DNAH7: variants seen among roughly 807,000 people sequenced by gnomAD.
DNAH7 encodes dynein axonemal heavy chain 7.
In DNAH7, 397 loss-of-function variants were observed where a neutral mutation model predicts 444.6. The observed-to-expected ratio is 0.89, with a 90% CI of 0.82 to 0.97. The LOEUF (loss-of-function observed/expected upper bound fraction) is 0.97, where lower values mean the gene tolerates loss of function less well. Among genes scored for constraint, DNAH7 ranks in the 50% least tolerant of loss-of-function variants. DNAH7 has a pLI of 0.00. For missense variants in DNAH7, 4,902 were observed against 4,800.8 expected, an observed-to-expected ratio of 1.02 and a Z score of -0.62; for synonymous variants, 1,636 against 1,624.4, an observed-to-expected ratio of 1.01 and a Z score of -0.17.
chr2:195,807,707 A>T (rs901617), intron 53 of DNAH7, among the ~76,000 whole-genome samples: 5,419 of 152,288 alleles, frequency 0.036, 125 homozygotes, highest in African/African-American at 0.06. Context: ...TGGTGGGGAA[A>T]AAAGGAAACG....
chr2:195,972,702 G>T (rs905478722), intron 15 of DNAH7, among the ~76,000 whole-genome samples: 1 of 152,170 alleles, frequency 6.6e-6, no homozygotes, highest in Admixed American at 6.5e-5. Flanking sequence ...GGAAAACCAG[G>T]GAGGAGTGCT....
rs1287159773 is a variant in DNAH7 at position 195,891,764 on chromosome 2, T to C, written c.4937A>G (p.Asn1646Ser). 1 of 1,604,146 alleles carries C rather than the reference T, an allele frequency of 6.2e-7. No individual in the cohort carries two copies. The highest frequency in any genetic ancestry group is 8.5e-7 in the Non-Finnish European group (1 of 1,176,292). The change falls in exon 31 of 65, where the codon AAT becomes AGT. Residue 1646 changes from asparagine (N) to serine (S), a missense_variant. Transcript: ENST00000312428. ...TTGGCCCATGGTGACAGACTTAGGA[T>C]TTAAAACAGTTATTTGAACTTTGTT... ...EENKVQITVL[N>S]PKSVTMGQLY...
chr2:195,940,251 T>C (rs540886342), intron 19 of DNAH7, among the ~76,000 whole-genome samples: 36 of 152,148 alleles, frequency 2.4e-4, no homozygotes, highest in African/African-American at 6.7e-4. Flanking sequence ...TTGACAAACC[T>C]GATAAAAACA....
At position 195,864,816 on chromosome 2, in the gene DNAH7, T is replaced by C. The variant is rs1700228495; in HGVS notation, c.6839A>G (p.Asp2280Gly). The C allele has an allele frequency of 6.2e-7, 1 of 1,614,100 alleles. No individual in the cohort carries two copies. Among genetic ancestry groups the C allele is most frequent in the Non-Finnish European group, 8.5e-7 (1 of 1,180,038 alleles). Residue 2280 changes from aspartate (D) to glycine (G), a missense_variant, in exon 41 of 65, where the codon GAT becomes GGT. By Grantham distance (94) the Asp-to-Gly change is moderately conservative. Transcript: ENST00000312428. ...FCDFHDPKREDTNYREIADVD... is the reference protein window; with the variant it reads ...FCDFHDPKREGTNYREIADVD... Reference sequence around the variant, plus strand: ...ATCTGCGATTTCTCTGTAGTTGGTATCCTCCCTCTTGGGATCATGGAAATC... The same window carrying C: ...ATCTGCGATTTCTCTGTAGTTGGTACCCTCCCTCTTGGGATCATGGAAATC...
At chr2:195,971,891 T>C (rs1312540495) in intron 16 of DNAH7, among the ~76,000 whole-genome samples, 1 of 152,152 alleles carries the variant, frequency 6.6e-6, no homozygotes, top group Non-Finnish European at 1.5e-5. Context: ...GCTTTGATAT[T>C]CAAACAAGTT....
chr2:195,919,194 G>A (rs181135462), intron 24 of DNAH7, among the ~76,000 whole-genome samples: 2 of 149,692 alleles, frequency 1.3e-5, no homozygotes, highest in East Asian at 2.0e-4. Flanking sequence ...AGGTTGCAGT[G>A]AGCTGAGATC....
chr2:196,008,957 C>G (rs1355172693), intron 10 of DNAH7, among the ~76,000 whole-genome samples: 3 of 149,336 alleles, frequency 2.0e-5, no homozygotes, highest in African/African-American at 7.7e-5. Context: ...AGTGAAGGCC[C>G]CAGGAACATT....
intron 49 of DNAH7, among the ~76,000 whole-genome samples, chr2:195,821,636 G>A (rs1000437721): frequency 6.6e-6 from 1 of 152,154 alleles, no homozygotes; most frequent in Non-Finnish European, 1.5e-5. Flanking sequence ...TTTGACCGAA[G>A]AGCAGAACGT....
intron 51 of DNAH7, among the ~76,000 whole-genome samples, chr2:195,812,822 C>G (rs1697033749): frequency 6.6e-6 from 1 of 152,140 alleles, no homozygotes; most frequent in Non-Finnish European, 1.5e-5. Flanking sequence ...CTGAAGTCTA[C>G]CAGTTATTTG....
intron 12 of DNAH7, among the ~76,000 whole-genome samples, chr2:195,990,235 T>A (rs1464883379): frequency 6.6e-6 from 1 of 152,162 alleles, no homozygotes; most frequent in East Asian, 1.9e-4. Flanking sequence ...TTTAATCCGC[T>A]TTGAGGTGAT....
intron 48 of DNAH7, among the ~76,000 whole-genome samples, chr2:195,826,137 T>C (rs1574502096): frequency 6.6e-6 from 1 of 152,200 alleles, no homozygotes; most frequent in East Asian, 1.9e-4. Flanking sequence ...TTTGTGTTCA[T>C]CTCTAATTAC....
chr2:196,049,062 A>G (rs984609440), intron 3 of DNAH7, among the ~76,000 whole-genome samples: 1 of 152,202 alleles, frequency 6.6e-6, no homozygotes, highest in Non-Finnish European at 1.5e-5. Flanking sequence ...GCTGAAGCCT[A>G]TGGTTCTTCA....
intron 27 of DNAH7, chr2:195,903,604 A>G (rs2125276482): frequency 6.6e-6 from 1 of 152,300 alleles, no homozygotes; most frequent in African/African-American, 2.4e-5. Flanking sequence ...TTTATTATGC[A>G]GATTTTGTCT....
At chr2:195,780,211 T>C (rs147784855) in intron 58 of DNAH7, among the ~76,000 whole-genome samples, 131 of 152,232 alleles carry the variant, frequency 8.6e-4, no homozygotes, top group African/African-American at 3.1e-3. Flanking sequence ...TAATTATTTT[T>C]AATTTTGATT....
intron 64 of DNAH7, among the ~76,000 whole-genome samples, chr2:195,739,977 G>GTT (rs1020749021): frequency 6.6e-6 from 1 of 152,082 alleles, no homozygotes; most frequent in Admixed American, 6.6e-5. Flanking sequence ...ACACAGTGCT[G>GTT]TTTTTTTGTT....
In DNAH7 at chr2:195,881,856, G is replaced by T; in HGVS notation, c.5900C>A (p.Thr1967Asn). 1 of 1,614,030 alleles carries T rather than the reference G, an allele frequency of 6.2e-7. No individual in the cohort carries two copies. Among genetic ancestry groups the T allele is most frequent in the Non-Finnish European group, 8.5e-7 (1 of 1,179,942 alleles). The part of the protein sequence containing the change: ...RYSALMELLT[T>N]HQKPSIFVGP... ...TACAAATATTGAAGGCTTTTGATGG[G>T]TGGTCAGCAATTCCATTAATGCAGA... The change falls in exon 36 of 65, where the codon ACC becomes AAC. Residue 1967 changes from threonine to asparagine, a missense_variant. By Grantham distance (65) the Thr-to-Asn change is moderately conservative. Coordinates refer to ENST00000312428, the MANE Select transcript of DNAH7 (RefSeq NM_018897.3).
intron 25 of DNAH7, among the ~76,000 whole-genome samples, chr2:195,908,915 T>C (rs1460443474): frequency 6.6e-6 from 1 of 152,206 alleles, no homozygotes; most frequent in Non-Finnish European, 1.5e-5. Context: ...AACAGTTTAC[T>C]GCATGGGTGA....
chr2:195,884,805 A>G lies in DNAH7; in HGVS notation c.5543T>C (p.Ile1848Thr), dbSNP rs1701615009. Residue 1848 changes from isoleucine (I) to threonine (T), a missense_variant, in exon 35 of 65, where the codon ATT (isoleucine) becomes ACT (threonine). Ile to Thr is a moderately conservative substitution (Grantham distance 89). Coordinates refer to ENST00000312428, the MANE Select transcript of DNAH7 (RefSeq NM_018897.3). The part of the protein sequence containing the change: ...DRETYSLLEG[I>T]FLFSLIWSVG... ...GGACCAGATCAATGAAAACAGAAAA[A>G]TGCCCTGCATTGGACAGATGAGAAG... 1.9e-6 allele frequency: 3 copies of G among 1,611,022 alleles called. No individual in the cohort carries two copies. The highest frequency in any genetic ancestry group is 2.5e-6 in the Non-Finnish European group (3 of 1,178,502).
At chr2:196,013,977 T>C (rs181648830) in intron 9 of DNAH7, among the ~76,000 whole-genome samples, 2 of 152,302 alleles carry the variant, frequency 1.3e-5, no homozygotes, top group East Asian at 3.9e-4. Flanking sequence ...CCAGACCAAT[T>C]TTCCTTAGTT....
Sources: allele counts gnomAD v4.1 joint callset (sites outside exome capture counted in the v4.1 genomes callset), GRCh38; gene constraint gnomAD v4.1.1; transcripts MANE v1.5; gene names NCBI Gene and HGNC (gene_info 2026-07-23, HGNC 2026-07-21).